The following PSIP1 variants were observed in gnomAD, a reference collection of about 807,000 sequenced individuals.
PSIP1 encodes the protein PC4 and SFRS1-interacting protein.
In PSIP1, 19 loss-of-function variants were observed where a neutral mutation model predicts 74.7. The observed-to-expected ratio is 0.25, with a 90% CI of 0.18 to 0.37. PSIP1 has a LOEUF of 0.37. Among genes scored for constraint, PSIP1 ranks in the 10% least tolerant of loss-of-function variants. PSIP1 has a pLI of 1.00. For synonymous variants in PSIP1, 222 were observed against 195.3 expected, an observed-to-expected ratio of 1.14 and a Z score of -1.14; for missense variants, 601 against 614.3, an observed-to-expected ratio of 0.98 and a Z score of 0.23.
Position 15,466,810 on chromosome 9 carries a change from T to C in PSIP1, c.1470A>G (p.Pro490=). The C allele has an allele frequency of 1.2e-6, 2 of 1,613,672 alleles. No homozygotes were observed. The highest frequency in any genetic ancestry group is 4.5e-5 in the East Asian group (2 of 44,844). Residue 490 remains proline, a synonymous_variant, in exon 15 of 16, where the codon CCA becomes CCG. Transcript: ENST00000380733. ...CTTCATTGCTCTCCCCGTTATGTTG[T>C]GGCTGATTACCATCTTGAGCATCAG... ...GGSDAQDGNQ[P]QHNGESNEDS... is the part of the protein sequence containing the mutation.
intron 10 of PSIP1, chr9:15,472,308 C>T: frequency 9.7e-7 from 1 of 1,032,140 alleles, no homozygotes; most frequent in Non-Finnish European, 1.2e-6. Context: ...TATCGCCCCT[C>T]TATCTATATG....
At chr9:15,471,722 G>A (rs2035838975) in intron 10 of PSIP1, 1 of 965,062 alleles carries the variant, frequency 1.0e-6, no homozygotes, top group Admixed American at 6.2e-5. Flanking sequence ...GTAAAACGCT[G>A]TACTTGTCAA....
chr9:15,470,780 G>C, intron 10 of PSIP1: 3 of 993,126 alleles, frequency 3.0e-6, no homozygotes, highest in Non-Finnish European at 3.6e-6. Flanking sequence ...CAAGAGAAGG[G>C]CCCCATTCTC....
At chr9:15,469,748 A>G (rs1022693318) in intron 11 of PSIP1, among the ~76,000 whole-genome samples, 190 bp downstream of exon 11, 5 of 152,114 alleles carry the variant, frequency 3.3e-5, no homozygotes, top group African/African-American at 1.2e-4. Context: ...AACATAAACA[A>G]CTCAAGCAAG....
At chr9:15,498,974 T>C (rs2037208635) in intron 3 of PSIP1, among the ~76,000 whole-genome samples, 1 of 152,194 alleles carries the variant, frequency 6.6e-6, no homozygotes, top group Non-Finnish European at 1.5e-5. Context: ...ATTTGTTTCC[T>C]TCTATATTGT....
At chr9:15,507,973 T>G (rs1365745738) in intron 2 of PSIP1, among the ~76,000 whole-genome samples, 1 of 152,234 alleles carries the variant, frequency 6.6e-6, no homozygotes, top group East Asian at 1.9e-4. Flanking sequence ...CAAAAATCCT[T>G]AATCCCTTAA....
At chr9:15,472,174 T>G in intron 10 of PSIP1, 1 of 986,408 alleles carries the variant, frequency 1.0e-6, no homozygotes, top group Non-Finnish European at 1.2e-6. Context: ...CCTTTAGATT[T>G]ACTTTTACTG....
At chr9:15,468,409 G>C in intron 14 of PSIP1, 1 of 666,700 alleles carries the variant, frequency 1.5e-6, no homozygotes, top group East Asian at 2.7e-5. Flanking sequence ...ATGAGCAATG[G>C]TTTCTGCCTT....
chr9:15,497,033 G>A lies in PSIP1; in HGVS notation c.150-6909C>T, dbSNP rs112355529. On this transcript the variant is annotated intron_variant, in intron 3 of 15. Coordinates refer to ENST00000380733, the MANE Select transcript of PSIP1 (RefSeq NM_033222.5). ...TGAGAGTTTTCTCAAAACGTTAAAC[G>A]TGAAATTACATCTGACCCAGGAATT... Among the ~76,000 whole-genome samples the A allele has an allele frequency of 3.5e-3, 535 of 152,204 alleles. 6 individuals carry two copies. The highest frequency in any genetic ancestry group is 6.8e-3 in the Middle Eastern group (2 of 294).
At chr9:15,491,126 ACTG>A (rs1352705995) in intron 3 of PSIP1, among the ~76,000 whole-genome samples, 4 of 152,242 alleles carry the variant, frequency 2.6e-5, no homozygotes, top group Non-Finnish European at 2.9e-5. Flanking sequence ...TTTAATACAG[ACTG>A]CTAACTCATT....
intron 15 of PSIP1, 148 bp from the exon 16 acceptor site, chr9:15,465,728 G>C (rs2035579392): frequency 1.7e-6 from 1 of 583,132 alleles, no homozygotes; most frequent in Admixed American, 3.6e-5. Flanking sequence ...TATTAGAACA[G>C]TCATTATTAT....
intron 6 of PSIP1, among the ~76,000 whole-genome samples, chr9:15,480,119 A>G (rs1164968417): frequency 1.3e-5 from 2 of 152,218 alleles, no homozygotes; most frequent in Admixed American, 6.5e-5. Context: ...ACAGAGAGTA[A>G]GGAATCCACT....
At chr9:15,506,910 A>G (rs1008226243) in intron 2 of PSIP1, among the ~76,000 whole-genome samples, 6 of 152,222 alleles carry the variant, frequency 3.9e-5, no homozygotes, top group African/African-American at 1.4e-4. Flanking sequence ...CTTTGCAGAC[A>G]TATTATTATG....
intron 3 of PSIP1, among the ~76,000 whole-genome samples, chr9:15,495,783 T>C (rs1398964938): frequency 7.9e-5 from 12 of 152,230 alleles, no homozygotes; most frequent in African/African-American, 2.9e-4. Flanking sequence ...CTTCATATTT[T>C]CCATTACAAC....
At chr9:15,466,382 G>C (rs1451091589) in intron 15 of PSIP1, among the ~76,000 whole-genome samples, 1 of 148,972 alleles carries the variant, frequency 6.7e-6, no homozygotes, top group Non-Finnish European at 1.5e-5. Context: ...CTGTCTCAAA[G>C]AAAAAACAAC....
chr9:15,483,059 T>G (rs2036405359), intron 6 of PSIP1, among the ~76,000 whole-genome samples: 1 of 152,134 alleles, frequency 6.6e-6, no homozygotes, highest in South Asian at 2.1e-4. Flanking sequence ...AGAGCAACCT[T>G]TCCCCCTCTC....
chr9:15,497,688 G>A (rs2037148221), intron 3 of PSIP1, among the ~76,000 whole-genome samples: 1 of 152,010 alleles, frequency 6.6e-6, no homozygotes, highest in African/African-American at 2.4e-5. Context: ...CTAGACCAAG[G>A]TGGGAAAGAA....
intron 4 of PSIP1, among the ~76,000 whole-genome samples, chr9:15,488,883 T>C (rs975020298): frequency 2.0e-4 from 31 of 151,588 alleles, no homozygotes; most frequent in South Asian, 6.2e-4. Flanking sequence ...TAGCCGGGTG[T>C]GGTGGCGGGC....
intron 3 of PSIP1, among the ~76,000 whole-genome samples, chr9:15,493,405 G>C (rs1259189874): frequency 6.6e-6 from 1 of 152,156 alleles, no homozygotes; most frequent in Non-Finnish European, 1.5e-5. Context: ...CAAGTCTCTA[G>C]AAGTTCTCAA....
Sources: allele counts gnomAD v4.1 joint callset (sites outside exome capture counted in the v4.1 genomes callset), GRCh38; gene constraint gnomAD v4.1.1; transcripts MANE v1.5; gene names NCBI Gene and HGNC (gene_info 2026-07-23, HGNC 2026-07-21).